CHD9: variants seen among roughly 807,000 people sequenced by gnomAD.
CHD9 encodes the protein chromodomain helicase DNA binding protein 9.
Under a neutral mutation model 316.1 loss-of-function variants are expected in CHD9, and 77 were observed. The ratio of observed to expected loss-of-function variants is 0.24; its 90% CI spans 0.20 to 0.29. The LOEUF (loss-of-function observed/expected upper bound fraction) is 0.29. Among genes scored for constraint, CHD9 ranks in the 10% least tolerant of loss-of-function variants. CHD9 has a pLI of 1.00. For synonymous variants in CHD9, 1,129 were observed against 1,158.3 expected (o/e 0.97, Z 0.51); for missense variants, 2,763 against 3,438.1 (o/e 0.80, Z 4.91).
intron 27 of CHD9, among the ~76,000 whole-genome samples, chr16:53,291,093 AC>A (rs1196019827): frequency 2.6e-5 from 4 of 152,216 alleles, no homozygotes; most frequent in Admixed American, 1.3e-4. Flanking sequence ...AATTGAAGAT[AC>A]ACCAAACAAA....
At chr16:53,120,443 G>T (rs144058438) in intron 1 of CHD9, among the ~76,000 whole-genome samples, 1 of 151,698 alleles carries the variant, frequency 6.6e-6, no homozygotes, top group East Asian at 1.9e-4. Context: ...GAGAAACTCC[G>T]TCTCTACTAA....
intron 1 of CHD9, among the ~76,000 whole-genome samples, chr16:53,072,028 A>G (rs1263616200): frequency 6.6e-6 from 1 of 152,160 alleles, no homozygotes; most frequent in African/African-American, 2.4e-5. Flanking sequence ...ACAGACACAC[A>G]TGCATGCACA....
chr16:53,260,710 G>A (rs2051004651), intron 19 of CHD9, among the ~76,000 whole-genome samples: 1 of 152,074 alleles, frequency 6.6e-6, no homozygotes, highest in Non-Finnish European at 1.5e-5. Context: ...AGCTTTAGGG[G>A]AGAATCTGTT....
chr16:53,055,459 C>T (rs2031950412), intron 1 of CHD9, among the ~76,000 whole-genome samples: 1 of 150,450 alleles, frequency 6.6e-6, no homozygotes, highest in Admixed American at 6.7e-5. Flanking sequence ...GCTTGGGAAG[C>T]ATTAAAAAAA....
chr16:53,259,734 C>A (rs1172108841), intron 19 of CHD9, among the ~76,000 whole-genome samples: 2 of 152,082 alleles, frequency 1.3e-5, no homozygotes, highest in Non-Finnish European at 2.9e-5. Context: ...AGGCTGGTCT[C>A]AAATTCCTGA....
chr16:53,303,274 A>G (rs1005167570), intron 30 of CHD9, among the ~76,000 whole-genome samples: 8 of 151,946 alleles, frequency 5.3e-5, no homozygotes, highest in Admixed American at 1.3e-4. Flanking sequence ...TCCTCTTACA[A>G]TGCAGCCCAG....
At chr16:53,165,786 A>T (rs2042233075) in intron 2 of CHD9, among the ~76,000 whole-genome samples, 2 of 152,118 alleles carry the variant, frequency 1.3e-5, no homozygotes, top group South Asian at 4.1e-4. Context: ...ATTTTAAAAA[A>T]TGGTACCTTT....
At chr16:53,231,569 C>T in intron 9 of CHD9, 64 bp downstream of exon 9, 1 of 1,373,344 alleles carries the variant, frequency 7.3e-7, no homozygotes, top group Non-Finnish European at 1.0e-6. Context: ...GTATTAAGAC[C>T]TAGTACTTTA....
At chr16:53,122,362 A>G (rs1341452578) in intron 1 of CHD9, among the ~76,000 whole-genome samples, 2 of 152,216 alleles carry the variant, frequency 1.3e-5, no homozygotes, top group African/African-American at 4.8e-5. Flanking sequence ...GCCCAATATA[A>G]GAAATGACAG....
intron 1 of CHD9, among the ~76,000 whole-genome samples, chr16:53,119,961 C>T (rs1943656819): frequency 6.6e-6 from 1 of 152,034 alleles, no homozygotes; most frequent in Non-Finnish European, 1.5e-5. Context: ...TGTAGTGGCT[C>T]ACACCTATAA....
intron 2 of CHD9, among the ~76,000 whole-genome samples, chr16:53,186,365 A>G (rs1421433082): frequency 8.5e-5 from 13 of 152,124 alleles, no homozygotes; most frequent in Admixed American, 7.9e-4. Flanking sequence ...GTTTTGGCCA[A>G]TTTCTCCCAT....
intron 1 of CHD9, among the ~76,000 whole-genome samples, chr16:53,109,878 G>A: frequency 6.6e-6 from 1 of 150,588 alleles, no homozygotes; most frequent in East Asian, 2.0e-4. Flanking sequence ...TAGAGACGGG[G>A]TTTCACCATT....
chr16:53,204,058 T>TATATATAC (rs773266940), intron 2 of CHD9, among the ~76,000 whole-genome samples: 654 of 62,924 alleles, frequency 0.01, 7 homozygotes, highest in Middle Eastern at 0.029. Context: ...AATATATATA[T>TATATATAC]ACACACACAC....
chr16:53,073,797 G>A (rs993410132), intron 1 of CHD9, among the ~76,000 whole-genome samples: 17 of 152,140 alleles, frequency 1.1e-4, no homozygotes, highest in African/African-American at 4.1e-4. Flanking sequence ...TCAGCCATGT[G>A]GAACAATTAA....
At chr16:53,220,001 A>T (rs2047100351) in intron 3 of CHD9, among the ~76,000 whole-genome samples, 2 of 152,224 alleles carry the variant, frequency 1.3e-5, no homozygotes, top group East Asian at 1.9e-4. Context: ...GATACAAAGG[A>T]GGAAGAACAA....
intron 2 of CHD9, among the ~76,000 whole-genome samples, chr16:53,192,403 T>C (rs1037487769): frequency 1.3e-5 from 2 of 152,234 alleles, no homozygotes; most frequent in African/African-American, 4.8e-5. Flanking sequence ...TATCAAGATA[T>C]TAACCTAGAT....
intron 8 of CHD9, among the ~76,000 whole-genome samples, chr16:53,229,863 A>T (rs138783140): frequency 5.3e-4 from 80 of 152,342 alleles, no homozygotes; most frequent in East Asian, 2.3e-3. Context: ...TAGGACATCA[A>T]TGTAGTACTA....
intron 31 of CHD9, 69 bp downstream of exon 31, chr16:53,304,694 T>TTTTCTTTCC (rs368789802): frequency 6.1e-6 from 1 of 164,244 alleles, no homozygotes; most frequent in African/African-American, 5.8e-5. Flanking sequence ...TTTTCTTTTC[T>TTTTCTTTCC]TTTTTTTTTT....
intron 37 of CHD9, among the ~76,000 whole-genome samples, chr16:53,318,947 T>G (rs2057075362): frequency 6.6e-6 from 1 of 152,240 alleles, no homozygotes; most frequent in Non-Finnish European, 1.5e-5. Flanking sequence ...TAATTTCTGA[T>G]TGATGAAACT....
Sources: allele counts gnomAD v4.1 joint callset (sites outside exome capture counted in the v4.1 genomes callset), GRCh38; gene constraint gnomAD v4.1.1; transcripts MANE v1.5; gene names NCBI Gene and HGNC (gene_info 2026-07-23, HGNC 2026-07-21).